ADAM22: variants seen among roughly 807,000 people sequenced by gnomAD.
The protein encoded by ADAM22 is ADAM metallopeptidase domain 22.
A neutral mutation model predicts 144.6 loss-of-function variants in ADAM22; 65 were observed. The observed-to-expected ratio is 0.45, with a 90% CI of 0.37 to 0.55. The LOEUF is 0.55. Ranked by LOEUF, ADAM22 falls within the 20% of genes least tolerant of loss-of-function variation. The probability of loss-of-function intolerance (pLI) is 0.00; values close to 1 mark genes in which losing one functional copy is unlikely to be tolerated. For missense variants in ADAM22, 974 were observed against 1,184.9 expected, an observed-to-expected ratio of 0.82 and a Z score of 2.61; for synonymous variants, 391 against 412.6, an observed-to-expected ratio of 0.95 and a Z score of 0.63.
intron 26 of ADAM22, among the ~76,000 whole-genome samples, chr7:88,172,584 C>T (rs10225853): frequency 0.14 from 21,766 of 151,776 alleles, 2,806 homozygotes; most frequent in African/African-American, 0.34. Flanking sequence ...AAACTTTACT[C>T]TTTTTTAAAT....
At chr7:88,069,114 G>A (rs374859143) in intron 3 of ADAM22, among the ~76,000 whole-genome samples, 8 of 151,580 alleles carry the variant, frequency 5.3e-5, no homozygotes, top group African/African-American at 1.2e-4. Flanking sequence ...TCTCTGGCTC[G>A]CTCTCACCCT....
intron 2 of ADAM22, among the ~76,000 whole-genome samples, chr7:87,957,493 C>A (rs543087856): frequency 5.9e-5 from 9 of 152,280 alleles, no homozygotes; most frequent in African/African-American, 1.9e-4. Context: ...AGATGATGCT[C>A]TCTTGCCCTT....
chr7:88,007,781 A>G (rs1794316346), intron 3 of ADAM22, among the ~76,000 whole-genome samples: 1 of 152,248 alleles, frequency 6.6e-6, no homozygotes, highest in African/African-American at 2.4e-5. Flanking sequence ...CGTTAGACCT[A>G]AAACCATAAA....
intron 3 of ADAM22, among the ~76,000 whole-genome samples, chr7:88,015,821 A>G (rs1180140441): frequency 6.6e-6 from 1 of 152,160 alleles, no homozygotes; most frequent in Non-Finnish European, 1.5e-5. Flanking sequence ...TGGGGAGCAG[A>G]GGCATTATTG....
intron 3 of ADAM22, among the ~76,000 whole-genome samples, chr7:88,054,906 G>T (rs1807776170): frequency 6.6e-6 from 1 of 151,768 alleles, no homozygotes; most frequent in African/African-American, 2.4e-5. Context: ...AAATTTTAAT[G>T]TTTTAAATTC....
At chr7:87,956,009 G>T (rs746215764) in intron 2 of ADAM22, among the ~76,000 whole-genome samples, 1 of 152,146 alleles carries the variant, frequency 6.6e-6, no homozygotes, top group Non-Finnish European at 1.5e-5. Flanking sequence ...GGAGTGGCCC[G>T]ATTTTCTACG....
intron 6 of ADAM22, among the ~76,000 whole-genome samples, chr7:88,115,793 C>A (rs1007098116): frequency 3.9e-4 from 60 of 152,272 alleles, no homozygotes; most frequent in African/African-American, 1.4e-3. Flanking sequence ...TTGTCTATTG[C>A]TTTTAAGGCT....
chr7:87,942,318 A>G (rs1842634701), intron 2 of ADAM22, among the ~76,000 whole-genome samples: 1 of 152,218 alleles, frequency 6.6e-6, no homozygotes, highest in Non-Finnish European at 1.5e-5. Flanking sequence ...TGAATACTTG[A>G]TGTACATTAA....
chr7:88,039,205 A>T (rs544216658), intron 3 of ADAM22, among the ~76,000 whole-genome samples: 3 of 151,786 alleles, frequency 2.0e-5, no homozygotes, highest in African/African-American at 7.2e-5. Context: ...AGCACTTTGG[A>T]GGCCAAGGGA....
chr7:88,109,422 C>T lies in ADAM22; in HGVS notation c.473+1164C>T, dbSNP rs74955840. On this transcript the variant is annotated intron_variant, in intron 5 of 31. Transcript: ENST00000413139. Reference sequence around the variant, plus strand: ...CTACCGTGTCATTCCTCAGCATTCTCTTTTAACTAAATCGTTTCATTTCCT... The same window carrying T: ...CTACCGTGTCATTCCTCAGCATTCTTTTTTAACTAAATCGTTTCATTTCCT... Among the ~76,000 whole-genome samples, 756 of 152,290 alleles carry T rather than the reference C, an allele frequency of 5.0e-3. 10 individuals carry two copies. Among genetic ancestry groups the T allele is most frequent in the African/African-American group, 0.017 (712 of 41,558 alleles).
chr7:88,074,560 T>C, intron 3 of ADAM22, among the ~76,000 whole-genome samples: 1 of 152,238 alleles, frequency 6.6e-6, no homozygotes, highest in Non-Finnish European at 1.5e-5. Flanking sequence ...ATATACTTTT[T>C]GTTGTGTTTT....
In ADAM22 at chr7:88,200,485, A is replaced by G. The variant is rs1442434864; in HGVS notation, c.*3994A>G. 6.6e-6 allele frequency: 1 copy of G among 152,260 alleles called. No homozygotes were observed. The highest frequency in any genetic ancestry group is 1.5e-5 in the Non-Finnish European group (1 of 68,054). The allele number at this position is 152,260 out of a possible 1,614,324, so 9.4% of individuals were successfully genotyped here. ...CTGGCTGCTGCCACTGGATGCCCAC[A>G]TGGGCAGCGTGTTGTAAATATCACC... On this transcript the variant is annotated 3_prime_UTR_variant, in exon 32 of 32. Coordinates refer to ENST00000413139, the MANE Select transcript of ADAM22 (RefSeq NM_001324418.2).
intron 3 of ADAM22, among the ~76,000 whole-genome samples, chr7:88,000,844 T>G (rs1168056965): frequency 1.3e-5 from 2 of 152,218 alleles, no homozygotes; most frequent in Non-Finnish European, 2.9e-5. Context: ...TTAACTTATA[T>G]GCTAGGAAGT....
chr7:88,011,623 A>T (rs1020063723), intron 3 of ADAM22, among the ~76,000 whole-genome samples: 4 of 151,980 alleles, frequency 2.6e-5, no homozygotes, highest in African/African-American at 7.2e-5. Context: ...GGAGAATATT[A>T]ATAGTTGGCA....
chr7:88,116,357 A>T (rs1051217547), intron 6 of ADAM22, among the ~76,000 whole-genome samples: 3 of 152,128 alleles, frequency 2.0e-5, no homozygotes, highest in African/African-American at 7.2e-5. Flanking sequence ...TACTATGAAG[A>T]TTGTTAGCTC....
At chr7:88,169,986 A>T (rs1434058838) in intron 25 of ADAM22, among the ~76,000 whole-genome samples, 1 of 152,098 alleles carries the variant, frequency 6.6e-6, no homozygotes, top group Non-Finnish European at 1.5e-5. Flanking sequence ...CTAAACGCTC[A>T]TATTACTTAT....
intron 3 of ADAM22, among the ~76,000 whole-genome samples, chr7:88,032,134 GAGA>G (rs1425935215): frequency 6.6e-6 from 1 of 152,224 alleles, no homozygotes; most frequent in Non-Finnish European, 1.5e-5. Flanking sequence ...GTGGAGCTCT[GAGA>G]AGAAGGCCAC....
At chr7:88,087,249 C>T (rs1818677975) in intron 4 of ADAM22, among the ~76,000 whole-genome samples, 1 of 152,096 alleles carries the variant, frequency 6.6e-6, no homozygotes, top group African/African-American at 2.4e-5. Context: ...TCATGGTATA[C>T]ATATCTAATT....
In ADAM22 at chr7:87,967,786, C is replaced by T. The variant is rs371182956; in HGVS notation, c.247-10550C>T. 2.7e-3 allele frequency among the ~76,000 whole-genome samples: 325 copies of T among 122,630 alleles called. 1 individual carries two copies. Among genetic ancestry groups the T allele is most frequent in the African/African-American group, 0.01 (304 of 29,838 alleles). The allele number at this position is 122,630 out of a possible 152,430, so 80.5% of individuals were successfully genotyped here. ...TCGCACCACTGCACTCCAGCCTGAG[C>T]GACAGAGTGAGACTCTGTCTCAAAA... On this transcript the variant is annotated intron_variant, in intron 2 of 31. Coordinates refer to ENST00000413139, the MANE Select transcript of ADAM22 (RefSeq NM_001324418.2).
Sources: allele counts gnomAD v4.1 joint callset (sites outside exome capture counted in the v4.1 genomes callset), GRCh38; gene constraint gnomAD v4.1.1; transcripts MANE v1.5; gene names NCBI Gene and HGNC (gene_info 2026-07-23, HGNC 2026-07-21).